The following AADAT variants were observed in gnomAD, a reference collection of about 807,000 sequenced individuals.
AADAT encodes the protein aminoadipate aminotransferase.
Under a neutral mutation model 56.2 loss-of-function variants are expected in AADAT, and 25 were observed. That is an observed-to-expected ratio of 0.44 (90% CI 0.32 to 0.62). AADAT has a LOEUF of 0.62. Ranked by LOEUF, AADAT falls within the 20% of genes least tolerant of loss-of-function variation. The probability of loss-of-function intolerance (pLI) is 0.04; values close to 1 mark genes in which losing one functional copy is unlikely to be tolerated. For synonymous variants in AADAT, 173 were observed against 164.7 expected (o/e 1.05, Z -0.39); for missense variants, 387 against 510.5 (o/e 0.76, Z 2.33).
chr4:170,082,209 C>A (rs1357917987), intron 3 of AADAT, among the ~76,000 whole-genome samples: 1 of 152,050 alleles, frequency 6.6e-6, no homozygotes, highest in Non-Finnish European at 1.5e-5. Context: ...ATAGCTACAG[C>A]AACATGTTAA....
At chr4:170,067,853 C>A (rs990135844) in intron 8 of AADAT, among the ~76,000 whole-genome samples, 1 of 152,026 alleles carries the variant, frequency 6.6e-6, no homozygotes, top group African/African-American at 2.4e-5. Context: ...AATAGAAGTT[C>A]TAGGCTGGGT....
intron 6 of AADAT, 101 bp downstream of exon 6, chr4:170,070,486 G>T: frequency 1.3e-6 from 1 of 742,552 alleles, no homozygotes. Context: ...ATGTAAAAGT[G>T]GATTAGTTCT....
rs568837261 is a variant in AADAT at position 170,089,905 on chromosome 4, G to T, written c.-215C>A. The T allele has an allele frequency of 2.6e-4, 151 of 576,566 alleles. No individual in the cohort carries two copies. Among genetic ancestry groups the T allele is most frequent in the African/African-American group, 2.5e-3 (135 of 53,088 alleles). The allele number at this position is 576,566 out of a possible 1,614,324, so 35.7% of individuals were successfully genotyped here. ...TGCGTTCGGTCTCCCGGTCCTAAACGGGTCTGGGGCTGTGTGGCGAGCCCG... is the reference window on the plus strand; with the variant it reads ...TGCGTTCGGTCTCCCGGTCCTAAACTGGTCTGGGGCTGTGTGGCGAGCCCG... On this transcript the variant is annotated 5_prime_UTR_variant, in exon 1 of 13. Transcript: ENST00000337664.
intron 3 of AADAT, among the ~76,000 whole-genome samples, chr4:170,086,584 A>G (rs1176553161): frequency 6.6e-6 from 1 of 152,188 alleles, no homozygotes. Context: ...AAAAATTTAA[A>G]AATTGTATTG....
intron 4 of AADAT, among the ~76,000 whole-genome samples, chr4:170,077,914 C>T (rs1425709375): frequency 6.6e-6 from 1 of 152,144 alleles, no homozygotes; most frequent in Non-Finnish European, 1.5e-5. Context: ...CTTCCAATTC[C>T]CTATTTACTC....
At chr4:170,066,315 G>A (rs1561011786) in intron 10 of AADAT, 99 bp downstream of exon 10, 7 of 1,072,158 alleles carry the variant, frequency 6.5e-6, no homozygotes, top group Non-Finnish European at 1.4e-6. Flanking sequence ...CTCCTGGACT[G>A]TTTCTTTTCC....
intron 11 of AADAT, among the ~76,000 whole-genome samples, chr4:170,062,230 A>G (rs1408801932): frequency 6.6e-6 from 1 of 152,252 alleles, no homozygotes; most frequent in African/African-American, 2.4e-5. Context: ...TCTCTTCTCA[A>G]AACATCAGGA....
intron 3 of AADAT, among the ~76,000 whole-genome samples, chr4:170,079,493 A>G (rs1732191459): frequency 6.6e-6 from 1 of 152,212 alleles, no homozygotes; most frequent in African/African-American, 2.4e-5. Context: ...ATACATGTGG[A>G]AAGTTTAGAA....
intron 3 of AADAT, among the ~76,000 whole-genome samples, chr4:170,084,651 A>G (rs2111206444): frequency 6.6e-6 from 1 of 152,262 alleles, no homozygotes; most frequent in East Asian, 1.9e-4. Flanking sequence ...CTCACCACAA[A>G]CAGTAGGGCC....
rs545144600 is a variant in AADAT at position 170,066,473 on chromosome 4, A to G, written c.968T>C (p.Ile323Thr). Residue 323 changes from isoleucine to threonine, a missense_variant, in exon 10 of 13, where the codon ATT becomes ACT. Physicochemically the swap from Ile to Thr is moderately conservative, Grantham distance 89. Coordinates refer to ENST00000337664, the MANE Select transcript of AADAT (RefSeq NM_016228.4). ...EGFMAHVDRV[I>T]DFYSNQKDAI... ...ATCCTTCTGGTTACTATAGAAATCAATAACCCTAGAAAAAGAAAACAATGA... is the reference window on the plus strand; with the variant it reads ...ATCCTTCTGGTTACTATAGAAATCAGTAACCCTAGAAAAAGAAAACAATGA... 2.5e-6 allele frequency: 4 copies of G among 1,613,292 alleles called. No homozygotes were observed. Among genetic ancestry groups the G allele is most frequent in the African/African-American group, 2.7e-5 (2 of 75,038 alleles).
At chr4:170,090,392 GC>G (rs1732777195), upstream of AADAT, 1 of 152,198 alleles carries the variant, frequency 6.6e-6, no homozygotes. Context: ...CATTTTGCCC[GC>G]TCAGACCATG....
chr4:170,092,286 C>T (rs1241771576), upstream of AADAT, among the ~76,000 whole-genome samples: 5 of 152,216 alleles, frequency 3.3e-5, no homozygotes, highest in South Asian at 2.1e-4. Context: ...ACACTCACCG[C>T]GAAGGTGTGC....
chr4:170,063,707 C>T lies in AADAT; in HGVS notation c.1134+1012G>A, dbSNP rs78164808. On this transcript the variant is annotated intron_variant, in intron 11 of 12. Coordinates refer to ENST00000337664, the MANE Select transcript of AADAT (RefSeq NM_016228.4). ...TCTAGAGCACCTTGTCTCTTATGCA[C>T]CAGCATGGCACTTTGCCATCATCAA... is the stretch of plus-strand genomic sequence containing the variant. 3.6e-4 allele frequency among the ~76,000 whole-genome samples: 55 copies of T among 152,268 alleles called. No homozygotes were observed. In the East Asian group the frequency reaches 9.8e-3, roughly 27 times the overall value.
chr4:170,067,792 G>A (rs1003829304), intron 8 of AADAT, among the ~76,000 whole-genome samples: 1 of 152,112 alleles, frequency 6.6e-6, no homozygotes, highest in African/African-American at 2.4e-5. Context: ...ATATAAAAAT[G>A]TACAGTAGAT....
At chr4:170,087,344 T>C (rs1732614013) in intron 2 of AADAT, 96 bp from the exon 3 acceptor site, 1 of 1,172,608 alleles carries the variant, frequency 8.5e-7, no homozygotes, top group Non-Finnish European at 1.2e-6. Context: ...TCAAGCACTT[T>C]GTACACTCAA....
At chr4:170,086,179 G>A (rs750026088) in intron 3 of AADAT, among the ~76,000 whole-genome samples, 1 of 151,890 alleles carries the variant, frequency 6.6e-6, no homozygotes, top group Non-Finnish European at 1.5e-5. Context: ...CAGGGAGGTC[G>A]AGACTGCAGG....
At chr4:170,084,104 G>A (rs1171876073) in intron 3 of AADAT, among the ~76,000 whole-genome samples, 1 of 152,094 alleles carries the variant, frequency 6.6e-6, no homozygotes, top group Non-Finnish European at 1.5e-5. Flanking sequence ...AGAAATGGAG[G>A]TCATTATGTT....
chr4:170,067,507 G>A, intron 8 of AADAT, 119 bp from the exon 9 acceptor site: 1 of 684,808 alleles, frequency 1.5e-6, no homozygotes, highest in Non-Finnish European at 2.5e-6. Flanking sequence ...AACAAGCTGA[G>A]CCTAGCTTAT....
upstream of AADAT, among the ~76,000 whole-genome samples, chr4:170,091,086 C>T (rs1438215182): frequency 6.6e-6 from 1 of 152,232 alleles, no homozygotes; most frequent in Non-Finnish European, 1.5e-5. Flanking sequence ...TCGCAGCCCT[C>T]GCTCACTCTT....
Sources: gnomAD v4.1 joint callset for allele counts (sites outside exome capture counted in the v4.1 genomes callset) on GRCh38, gnomAD v4.1.1 for gene constraint, MANE v1.5 for transcripts, NCBI Gene and HGNC (gene_info 2026-07-23, HGNC 2026-07-21) for gene names.